The following ZNF892 variants were observed in gnomAD, a reference collection of about 807,000 sequenced individuals.
ZNF892 encodes the protein zinc finger protein 892.
chr2:95,219,067 C>A, the ZNF892 span, among the ~76,000 whole-genome samples: 1 of 152,010 alleles, frequency 6.6e-6, no homozygotes, highest in Non-Finnish European at 1.5e-5. Flanking sequence ...GGCGCGATTT[C>A]AGCTAACTGC....
the ZNF892 span, among the ~76,000 whole-genome samples, chr2:95,258,263 G>A: frequency 6.6e-6 from 1 of 152,174 alleles, no homozygotes; most frequent in African/African-American, 2.4e-5. Context: ...TTGTCACTGT[G>A]AGAGCACACC....
chr2:95,257,307 A>G, the ZNF892 span, among the ~76,000 whole-genome samples: 1 of 152,182 alleles, frequency 6.6e-6, no homozygotes, highest in South Asian at 2.1e-4. Context: ...CCTCAGCTGC[A>G]GGTCTGTTGG....
At chr2:95,217,326 G>A in the ZNF892 span, among the ~76,000 whole-genome samples, 39 of 152,166 alleles carry the variant, frequency 2.6e-4, no homozygotes, top group Middle Eastern at 0.014. Flanking sequence ...GGGGAAGAGG[G>A]GATACGTTTA....
At chr2:95,228,711 G>C in the ZNF892 span, among the ~76,000 whole-genome samples, 1 of 152,114 alleles carries the variant, frequency 6.6e-6, no homozygotes, top group Non-Finnish European at 1.5e-5. Context: ...CCCACATTTA[G>C]TGCAGGCATT....
chr2:95,226,026 T>G, the ZNF892 span, among the ~76,000 whole-genome samples: 12 of 152,280 alleles, frequency 7.9e-5, no homozygotes, highest in Admixed American at 7.2e-4. Flanking sequence ...TGCACACTGG[T>G]AGCTCTACAG....
At chr2:95,261,905 T>C in the ZNF892 span, among the ~76,000 whole-genome samples, 14 of 152,296 alleles carry the variant, frequency 9.2e-5, no homozygotes, top group Non-Finnish European at 1.5e-4. Flanking sequence ...CGTGCAGGCA[T>C]TGGGGGCTCC....
chr2:95,226,598 C>A, the ZNF892 span, among the ~76,000 whole-genome samples: 3 of 152,152 alleles, frequency 2.0e-5, no homozygotes, highest in Non-Finnish European at 4.4e-5. Flanking sequence ...TGGGGTGTTT[C>A]TCTGAAGAAG....
the ZNF892 span, among the ~76,000 whole-genome samples, chr2:95,230,993 G>A: frequency 2.0e-5 from 3 of 152,182 alleles, no homozygotes; most frequent in Non-Finnish European, 4.4e-5. Flanking sequence ...CACACTACTG[G>A]TGGGAAGATA....
chr2:95,237,631 A>G, the ZNF892 span, among the ~76,000 whole-genome samples: 1 of 152,232 alleles, frequency 6.6e-6, no homozygotes, highest in African/African-American at 2.4e-5. Context: ...ATCAAAAGCT[A>G]GAAATGATCA....
the ZNF892 span, among the ~76,000 whole-genome samples, chr2:95,250,682 CTA>C: frequency 4.1e-5 from 1 of 24,222 alleles, no homozygotes; most frequent in East Asian, 7.2e-4. Flanking sequence ...TAAATATAAA[CTA>C]TTCATAAATT....
At chr2:95,223,055 A>G in the ZNF892 span, among the ~76,000 whole-genome samples, 42 of 152,322 alleles carry the variant, frequency 2.8e-4, no homozygotes, top group Admixed American at 1.2e-3. Flanking sequence ...ATCATAGTTA[A>G]GCGGGTCTGT....
At chr2:95,243,747 C>T in the ZNF892 span, among the ~76,000 whole-genome samples, 3 of 151,920 alleles carry the variant, frequency 2.0e-5, no homozygotes, top group Admixed American at 6.5e-5. Context: ...CCCGGCCAGC[C>T]GCCCCGTCCG....
At chr2:95,247,007 T>C in the ZNF892 span, among the ~76,000 whole-genome samples, 4 of 152,152 alleles carry the variant, frequency 2.6e-5, no homozygotes, top group Admixed American at 2.0e-4. Flanking sequence ...AAAAAAACTA[T>C]TTTAAAATTC....
At chr2:95,207,670 G>C in the ZNF892 span, 1 of 396,596 alleles carries the variant, frequency 2.5e-6, no homozygotes. Context: ...GAGTGTCCGG[G>C]AGGAGGGTGG....
At chr2:95,211,764 T>C in the ZNF892 span, 2 of 398,332 alleles carry the variant, frequency 5.0e-6, no homozygotes, top group Non-Finnish European at 8.9e-6. Flanking sequence ...CCCAGTGTGG[T>C]ACCTTGTCCT....
At chr2:95,253,947 C>A in the ZNF892 span, among the ~76,000 whole-genome samples, 1 of 152,178 alleles carries the variant, frequency 6.6e-6, no homozygotes, top group Non-Finnish European at 1.5e-5. Flanking sequence ...TGAGACTTTG[C>A]TGAAGTTGCT....
At chr2:95,217,266 C>T in the ZNF892 span, among the ~76,000 whole-genome samples, 1 of 152,170 alleles carries the variant, frequency 6.6e-6, no homozygotes, top group African/African-American at 2.4e-5. Flanking sequence ...CCCTGAAAAC[C>T]CTGTCTCCAC....
the ZNF892 span, among the ~76,000 whole-genome samples, chr2:95,227,095 C>T: frequency 6.8e-6 from 1 of 147,836 alleles, no homozygotes. Flanking sequence ...GCTCCTCTCT[C>T]CTCCCTCCCC....
At chr2:95,228,257 G>A in the ZNF892 span, among the ~76,000 whole-genome samples, 8 of 151,882 alleles carry the variant, frequency 5.3e-5, no homozygotes, top group South Asian at 4.1e-4. Context: ...ATCTACACAT[G>A]TGTGATTTTC....
Sources: allele counts gnomAD v4.1 joint callset (sites outside exome capture counted in the v4.1 genomes callset), GRCh38; gene constraint gnomAD v4.1.1; transcripts MANE v1.5; gene names NCBI Gene and HGNC (gene_info 2026-07-23, HGNC 2026-07-21).